The following NCOA3 variants were observed in gnomAD, a reference collection of about 807,000 sequenced individuals.
The protein encoded by NCOA3 is nuclear receptor coactivator 3.
NCOA3 carries 51 observed loss-of-function variants against 158.8 expected under a neutral mutation model. The observed-to-expected ratio is 0.32, with a 90% CI of 0.26 to 0.41. NCOA3 has a LOEUF of 0.41. Among genes scored for constraint, NCOA3 ranks in the 10% least tolerant of loss-of-function variants. The pLI is 1.00. For missense variants in NCOA3, 1,510 were observed against 1,746.6 expected, an observed-to-expected ratio of 0.86 and a Z score of 2.41; for synonymous variants, 537 against 592.4, an observed-to-expected ratio of 0.91 and a Z score of 1.36.
rs71183267 is a variant in NCOA3, at chr20:47,593,334, ATTTTTTTTT to A, written c.-20+10093_-20+10101del. 4.1e-4 allele frequency among the ~76,000 whole-genome samples: 26 copies of A among 63,756 alleles called. 1 individual carries two copies. The East Asian group carries it at 6.4e-3, about 16-fold the overall frequency. The allele number at this position is 63,756 out of a possible 152,430, so 41.8% of individuals were successfully genotyped here. On this transcript the variant is annotated intron_variant, in intron 2 of 22. Transcript: ENST00000371998. Reference sequence around the variant, plus strand: ...GGAGTACCTCCTCTTGAGTTGATGGATTTTTTTTTTTTTTTTTTTTTTTTTTTTGAGACA... The same window carrying A: ...GGAGTACCTCCTCTTGAGTTGATGGATTTTTTTTTTTTTTTTTTTGAGACA...
At chr20:47,631,250 A>C (rs1650587445) in intron 8 of NCOA3, 1 of 152,252 alleles carries the variant, frequency 6.6e-6, no homozygotes, top group South Asian at 2.1e-4. Flanking sequence ...AGCAAGGTTC[A>C]TTTCAAAAAC....
rs2086878490 is a variant in NCOA3 at position 47,656,574 on chromosome 20, T to TCAA, written c.*3159_*3161dup. On this transcript the variant is annotated 3_prime_UTR_variant, in exon 23 of 23. Transcript: ENST00000371998. ...AACCTCAAGGATTGATTTATTGTTT[T>TCAA]CAACTCCAAGGCACACTGTTAATAA... is the stretch of plus-strand genomic sequence containing the variant. The TCAA allele has an allele frequency of 6.6e-6, 1 of 152,652 alleles. No homozygotes were observed. The highest frequency in any genetic ancestry group is 1.5e-5 in the Non-Finnish European group (1 of 68,052). The allele number at this position is 152,652 out of a possible 1,614,324, so 9.5% of individuals were successfully genotyped here.
intron 16 of NCOA3, among the ~76,000 whole-genome samples, chr20:47,640,804 C>T (rs1007823188): frequency 2.0e-5 from 3 of 151,138 alleles, no homozygotes; most frequent in South Asian, 2.1e-4. Context: ...AGGAGAATGG[C>T]GTGAACCCGG....
At chr20:47,616,179 G>A (rs2086132643) in intron 2 of NCOA3, among the ~76,000 whole-genome samples, 1 of 135,516 alleles carries the variant, frequency 7.4e-6, no homozygotes, top group Admixed American at 8.9e-5. Context: ...TAATTGCATG[G>A]AATATATTGC....
intron 1 of NCOA3, among the ~76,000 whole-genome samples, chr20:47,504,321 A>G (rs1273808453): frequency 6.6e-6 from 1 of 152,156 alleles, no homozygotes; most frequent in Non-Finnish European, 1.5e-5. Context: ...AGAATTCAGT[A>G]AGGAGTGAAG....
chr20:47,542,427 T>G (rs982402548), intron 1 of NCOA3, among the ~76,000 whole-genome samples: 1 of 152,104 alleles, frequency 6.6e-6, no homozygotes, highest in Admixed American at 6.6e-5. Flanking sequence ...CTCTCTCTAT[T>G]TTTAAAATGG....
intron 1 of NCOA3, among the ~76,000 whole-genome samples, chr20:47,516,024 G>A (rs2084227990): frequency 6.6e-6 from 1 of 152,202 alleles, no homozygotes; most frequent in Non-Finnish European, 1.5e-5. Context: ...GTGGTTGCCA[G>A]GAGTTAGTGG....
Position 47,653,768 on chromosome 20 carries a change from A to C in NCOA3, c.*351A>C, listed in dbSNP as rs1346585257. 1 of 312,786 alleles carries C rather than the reference A, an allele frequency of 3.2e-6. No individual in the cohort carries two copies. Among genetic ancestry groups the C allele is most frequent in the Non-Finnish European group, 5.9e-6 (1 of 170,810 alleles). 19.4% of individuals were successfully genotyped at this position (312,786 alleles called of 1,614,324 possible). On this transcript the variant is annotated 3_prime_UTR_variant, in exon 23 of 23. Transcript: ENST00000371998. ...TTGCTAGCCAAAATCTCTTAAATAC[A>C]CGTAGGTGGGCCAGAGAACATTGGA...
intron 17 of NCOA3, among the ~76,000 whole-genome samples, chr20:47,642,782 A>T (rs1319769781): frequency 2.0e-5 from 3 of 152,104 alleles, no homozygotes. Flanking sequence ...TGTTTGTTTA[A>T]ACAAAACTTG....
chr20:47,586,390 CAA>C (rs760841977), intron 2 of NCOA3, among the ~76,000 whole-genome samples: 11 of 151,640 alleles, frequency 7.3e-5, no homozygotes, highest in Non-Finnish European at 1.5e-4. Flanking sequence ...AACACACACA[CAA>C]TTTTTTTTTT....
chr20:47,519,207 G>T (rs2084286196), intron 1 of NCOA3, among the ~76,000 whole-genome samples: 1 of 151,690 alleles, frequency 6.6e-6, no homozygotes, highest in Non-Finnish European at 1.5e-5. Flanking sequence ...GGCCGAGGCG[G>T]GTGGATCACT....
At chr20:47,555,797 C>T (rs1454802586) in intron 1 of NCOA3, among the ~76,000 whole-genome samples, 5 of 151,446 alleles carry the variant, frequency 3.3e-5, no homozygotes, top group Non-Finnish European at 7.4e-5. Context: ...TGCCACCATG[C>T]CCGGCTGATT....
intron 8 of NCOA3, chr20:47,628,806 T>A (rs2086367972): frequency 6.6e-6 from 1 of 152,326 alleles, no homozygotes; most frequent in East Asian, 1.9e-4. Flanking sequence ...GTTGATAAGA[T>A]GCATTAATGA....
chr20:47,629,751 G>A (rs1401456313), intron 8 of NCOA3, among the ~76,000 whole-genome samples: 1 of 152,140 alleles, frequency 6.6e-6, no homozygotes, highest in Non-Finnish European at 1.5e-5. Flanking sequence ...CACCTCTTAT[G>A]ATTTGGCAGT....
chr20:47,636,795 T>G (rs1171900248), intron 12 of NCOA3, 33 bp downstream of exon 12: 1 of 1,528,490 alleles, frequency 6.5e-7, no homozygotes, highest in African/African-American at 1.4e-5. Context: ...CAGCTCATAT[T>G]TCATCATTTT....
At chr20:47,591,969 A>C (rs1368344613) in intron 2 of NCOA3, among the ~76,000 whole-genome samples, 2 of 152,166 alleles carry the variant, frequency 1.3e-5, no homozygotes, top group African/African-American at 4.8e-5. Context: ...CCATTCTTCA[A>C]GTACTTTTTC....
At chr20:47,640,861 C>T (rs372610107) in intron 16 of NCOA3, among the ~76,000 whole-genome samples, 14 of 151,744 alleles carry the variant, frequency 9.2e-5, no homozygotes, top group African/African-American at 3.4e-4. Context: ...GCACCCCAGC[C>T]TGGGCAACAG....
At chr20:47,529,278 C>G (rs1284937599) in intron 1 of NCOA3, among the ~76,000 whole-genome samples, 1 of 151,134 alleles carries the variant, frequency 6.6e-6, no homozygotes, top group African/African-American at 2.4e-5. Context: ...ACCACCATGC[C>G]CAGCTAATTT....
intron 1 of NCOA3, among the ~76,000 whole-genome samples, chr20:47,517,842 G>C (rs973052242): frequency 6.6e-6 from 1 of 152,102 alleles, no homozygotes; most frequent in African/African-American, 2.4e-5. Flanking sequence ...TTGAAAAACA[G>C]TGGTACTGAA....
Sources: allele counts gnomAD v4.1 joint callset (sites outside exome capture counted in the v4.1 genomes callset), GRCh38; gene constraint gnomAD v4.1.1; transcripts MANE v1.5; gene names NCBI Gene and HGNC (gene_info 2026-07-23, HGNC 2026-07-21).